TNRC6B: variants seen among roughly 807,000 people sequenced by gnomAD.
TNRC6B encodes the protein trinucleotide repeat containing adaptor 6B.
TNRC6B carries 52 observed loss-of-function variants against 203.6 expected under a neutral mutation model. That is an observed-to-expected ratio of 0.26 (90% CI 0.20 to 0.32). The LOEUF (loss-of-function observed/expected upper bound fraction) is 0.32, where lower values mean the gene tolerates loss of function less well. Ranked by LOEUF, TNRC6B falls within the 10% of genes least tolerant of loss-of-function variation. The pLI, the probability that TNRC6B is intolerant of heterozygous loss-of-function variation, is 1.00. For missense variants in TNRC6B, 1,923 were observed against 2,286.2 expected, an observed-to-expected ratio of 0.84 and a Z score of 3.24; for synonymous variants, 838 against 845.7, an observed-to-expected ratio of 0.99 and a Z score of 0.16.
chr22:40,172,386 CAG>C (rs2069009731), intron 4 of TNRC6B, among the ~76,000 whole-genome samples: 1 of 152,236 alleles, frequency 6.6e-6, no homozygotes, highest in African/African-American at 2.4e-5. Flanking sequence ...GCACTTAGCA[CAG>C]AGTCTGATAG....
chr22:40,157,208 C>T (rs1435583174), intron 4 of TNRC6B, among the ~76,000 whole-genome samples: 1 of 152,030 alleles, frequency 6.6e-6, no homozygotes, highest in Non-Finnish European at 1.5e-5. Context: ...TTTTCATATG[C>T]CCTTTTAAAG....
chr22:40,118,696 T>C (rs1478144825), intron 2 of TNRC6B, among the ~76,000 whole-genome samples: 3 of 152,230 alleles, frequency 2.0e-5, no homozygotes, highest in African/African-American at 4.8e-5. Context: ...TAACAAGATA[T>C]AGCGTCTGGT....
In TNRC6B at chr22:40,266,391, T is replaced by C; in HGVS notation, c.2161T>C (p.Ser721Pro). 1 of 1,613,618 alleles carries C rather than the reference T, an allele frequency of 6.2e-7. No homozygotes were observed. Among genetic ancestry groups the C allele is most frequent in the South Asian group, 1.1e-5 (1 of 91,018 alleles). ...ACGACCTGATGAAAAGACACCTTCC[T>C]CTTGGAATGAGAATCCCAGCAAGGA... is the stretch of plus-strand genomic sequence containing the variant. ...GGRPDEKTPSSWNENPSKDQG... is the reference protein window; with the variant it reads ...GGRPDEKTPSPWNENPSKDQG... Residue 721 changes from serine to proline, a missense_variant, in exon 5 of 23, where the codon TCT becomes CCT. This residue lies in a region of TNRC6B where 599 missense variants were observed against 656.5 expected (regional missense o/e 0.91). Coordinates refer to ENST00000454349, the MANE Select transcript of TNRC6B (RefSeq NM_001162501.2).
intron 1 of TNRC6B, among the ~76,000 whole-genome samples, chr22:40,065,118 G>A (rs2067885010): frequency 6.6e-6 from 1 of 151,850 alleles, no homozygotes; most frequent in Non-Finnish European, 1.5e-5. Context: ...GGAGGGTGGG[G>A]GTGGAGGGAG....
chr22:40,105,810 A>G (rs2068278030), intron 1 of TNRC6B, among the ~76,000 whole-genome samples: 2 of 152,216 alleles, frequency 1.3e-5, no homozygotes, highest in Admixed American at 6.5e-5. Flanking sequence ...TTGCTGGATC[A>G]TGGGGCGTAT....
At chr22:40,233,147 A>C (rs2069899403) in intron 1 of TNRC6B, among the ~76,000 whole-genome samples, 1 of 151,944 alleles carries the variant, frequency 6.6e-6, no homozygotes, top group Non-Finnish European at 1.5e-5. Context: ...CGTCTCAAAA[A>C]AAAAGAAAAA....
intron 4 of TNRC6B, among the ~76,000 whole-genome samples, chr22:40,168,353 G>A (rs1486327644): frequency 2.0e-5 from 3 of 152,136 alleles, no homozygotes; most frequent in Non-Finnish European, 4.4e-5. Context: ...AGGGGGAAAC[G>A]CCAATTAAGT....
upstream of TNRC6B, among the ~76,000 whole-genome samples, chr22:40,177,252 T>C (rs999567438): frequency 2.0e-5 from 3 of 151,972 alleles, no homozygotes; most frequent in African/African-American, 7.3e-5. Context: ...CCAGAGAAAC[T>C]CCGTTTGCAG....
chr22:40,261,725 A>G, intron 3 of TNRC6B, 107 bp from the exon 4 acceptor site: 2 of 1,021,942 alleles, frequency 2.0e-6, no homozygotes, highest in Non-Finnish European at 1.3e-6. Flanking sequence ...CATGGGCAAC[A>G]TGGCAAGACC....
At chr22:40,268,137 G>T (rs2070506709) in intron 5 of TNRC6B, among the ~76,000 whole-genome samples, 2 of 152,076 alleles carry the variant, frequency 1.3e-5, no homozygotes, top group East Asian at 1.9e-4. Flanking sequence ...GCCCAGGCTG[G>T]AGTGCAGTGG....
chr22:40,275,308 A>T (rs1002246610), intron 7 of TNRC6B, among the ~76,000 whole-genome samples: 1 of 152,320 alleles, frequency 6.6e-6, no homozygotes, highest in African/African-American at 2.4e-5. Context: ...CAAATTAACA[A>T]TGAGACTAAA....
intron 1 of TNRC6B, among the ~76,000 whole-genome samples, chr22:40,071,882 G>A (rs148016037): frequency 1.2e-3 from 179 of 152,242 alleles, no homozygotes; most frequent in African/African-American, 3.2e-3. Flanking sequence ...TTTCGAGACC[G>A]GATCTTGCTC....
chr22:40,271,860 T>C (rs1275032150), intron 6 of TNRC6B, among the ~76,000 whole-genome samples: 1 of 152,246 alleles, frequency 6.6e-6, no homozygotes, highest in East Asian at 1.9e-4. Flanking sequence ...CATCATAGTC[T>C]ACCAGTTGAT....
At chr22:40,299,553 TA>T (rs1303858075) in intron 12 of TNRC6B, among the ~76,000 whole-genome samples, 2 of 152,170 alleles carry the variant, frequency 1.3e-5, no homozygotes, top group African/African-American at 4.8e-5. Flanking sequence ...AGTCTTTTTT[TA>T]ACCTTTTTAT....
intron 1 of TNRC6B, among the ~76,000 whole-genome samples, chr22:40,086,063 G>A (rs984648648): frequency 1.3e-5 from 2 of 152,048 alleles, no homozygotes; most frequent in African/African-American, 4.8e-5. Flanking sequence ...TAGAGACGGG[G>A]TCTTGCCATG....
At position 40,328,729 on chromosome 22, in the gene TNRC6B, G is replaced by GT. The variant is rs2071431211; in HGVS notation, c.*5492dup. On this transcript the variant is annotated 3_prime_UTR_variant, in exon 23 of 23. Coordinates refer to ENST00000454349, the MANE Select transcript of TNRC6B (RefSeq NM_001162501.2). The stretch of plus-strand genomic sequence containing the variant: ...TTTTTCTCTGCAGAGTAAACAGGAT[G>GT]TTTTCAGCAGACTTGGCTCTAATAG... 1 of 152,118 alleles carries GT rather than the reference G, an allele frequency of 6.6e-6. No homozygotes were observed. Among genetic ancestry groups the GT allele is most frequent in the African/African-American group, 2.4e-5 (1 of 41,430 alleles). 9.4% of individuals were successfully genotyped at this position (152,118 alleles called of 1,614,324 possible). A position where few individuals can be genotyped will look rare whatever the true frequency, so the allele number is the denominator to read the frequency against.
In TNRC6B at chr22:40,109,819, G is replaced by A. The variant is rs1050030481; in HGVS notation, c.-120-7236G>A. Among the ~76,000 whole-genome samples the A allele has an allele frequency of 1.1e-4, 16 of 152,170 alleles. 2 individuals are homozygous for A. Among genetic ancestry groups the A allele is most frequent in the Admixed American group, 9.2e-4 (14 of 15,282 alleles). Reference sequence around the variant, plus strand: ...TTTTCTCTACGTTCTCTAAACTTCTGTGCCACTCAGCTTAGCGCTTAGCTT... The same window carrying A: ...TTTTCTCTACGTTCTCTAAACTTCTATGCCACTCAGCTTAGCGCTTAGCTT... On this transcript the variant is annotated intron_variant, in intron 1 of 23. Coordinates refer to the TNRC6B transcript ENST00000301923.
chr22:40,186,352 T>C (rs1455199054), intron 1 of TNRC6B, among the ~76,000 whole-genome samples: 3 of 152,066 alleles, frequency 2.0e-5, no homozygotes, highest in Non-Finnish European at 4.4e-5. Context: ...TGTTCCAGTG[T>C]TGGTATGGGA....
upstream of TNRC6B, among the ~76,000 whole-genome samples, chr22:40,176,480 CAT>C (rs1207292997): frequency 6.6e-6 from 1 of 152,082 alleles, no homozygotes; most frequent in Admixed American, 6.6e-5. Flanking sequence ...GTCCTTAAAA[CAT>C]AGATGAATGC....
Sources: allele counts gnomAD v4.1 joint callset (sites outside exome capture counted in the v4.1 genomes callset), GRCh38; gene constraint gnomAD v4.1.1; regional missense constraint gnomAD v4.1.1; transcripts MANE v1.5; gene names NCBI Gene and HGNC (gene_info 2026-07-23, HGNC 2026-07-21).